Variants in LDLRAD3 observed in about 807,000 individuals in gnomAD.
LDLRAD3 encodes the protein low density lipoprotein receptor class A domain containing 3.
Under a neutral mutation model 29.4 loss-of-function variants are expected in LDLRAD3, and 20 were observed. That is an observed-to-expected ratio of 0.68 (90% CI 0.48 to 0.99). The LOEUF (loss-of-function observed/expected upper bound fraction) is 0.99, where lower values mean the gene tolerates loss of function less well. Ranked by LOEUF, LDLRAD3 falls within the 50% of genes least tolerant of loss-of-function variation. LDLRAD3 has a pLI of 0.00. For synonymous variants in LDLRAD3, 157 were observed against 192.7 expected (o/e 0.81, Z 1.53); for missense variants, 420 against 454.3 (o/e 0.92, Z 0.69).
At chr11:36,150,326 G>C (rs889294079) in intron 4 of LDLRAD3, among the ~76,000 whole-genome samples, 2 of 152,116 alleles carry the variant, frequency 1.3e-5, no homozygotes, top group Admixed American at 1.3e-4. Flanking sequence ...CCAGGAGTTT[G>C]AGAACAGCCA....
chr11:36,003,005 C>T (rs1465481991), intron 1 of LDLRAD3, among the ~76,000 whole-genome samples: 4 of 152,202 alleles, frequency 2.6e-5, no homozygotes, highest in African/African-American at 7.2e-5. Flanking sequence ...TAGGGAAAAC[C>T]GTACACATTT....
chr11:36,130,328 G>A (rs998197308), intron 4 of LDLRAD3, among the ~76,000 whole-genome samples: 10 of 152,184 alleles, frequency 6.6e-5, no homozygotes, highest in Non-Finnish European at 1.5e-5. Context: ...TGGGGCTGAC[G>A]GGATAGAACT....
intron 1 of LDLRAD3, among the ~76,000 whole-genome samples, chr11:36,029,411 T>C (rs74830859): frequency 6.4e-5 from 3 of 46,538 alleles, no homozygotes; most frequent in Non-Finnish European, 2.2e-4. Context: ...GCGCCAGGAC[T>C]CAGTGCTCAT....
chr11:36,084,681 A>G (rs1275713156), intron 3 of LDLRAD3, among the ~76,000 whole-genome samples: 6 of 152,130 alleles, frequency 3.9e-5, no homozygotes, highest in Non-Finnish European at 8.8e-5. Context: ...TCATTTTGTA[A>G]CTCCTAATGA....
At chr11:36,155,827 T>C (rs1296278460) in intron 4 of LDLRAD3, among the ~76,000 whole-genome samples, 1 of 152,164 alleles carries the variant, frequency 6.6e-6, no homozygotes, top group East Asian at 1.9e-4. Context: ...TGCGCCTATC[T>C]AGAAAATCCT....
chr11:36,145,031 C>T (rs1418842614), intron 4 of LDLRAD3, among the ~76,000 whole-genome samples: 11 of 99,414 alleles, frequency 1.1e-4, no homozygotes, highest in East Asian at 4.2e-4. Flanking sequence ...AGGTGAGGGG[C>T]GCCTCTGCCC....
At chr11:36,183,505 A>T (rs1157877362) in intron 4 of LDLRAD3, among the ~76,000 whole-genome samples, 1 of 152,250 alleles carries the variant, frequency 6.6e-6, no homozygotes, top group Admixed American at 6.5e-5. Context: ...GTGAAGGGTG[A>T]AAAACTTAGT....
At chr11:36,097,815 T>A (rs754212210) in intron 3 of LDLRAD3, among the ~76,000 whole-genome samples, 19 of 151,870 alleles carry the variant, frequency 1.3e-4, no homozygotes, top group Non-Finnish European at 2.4e-4. Context: ...CCCCGTATAT[T>A]TGCATAAATA....
chr11:36,078,852 C>A (rs925081095), intron 2 of LDLRAD3, among the ~76,000 whole-genome samples: 2 of 152,170 alleles, frequency 1.3e-5, no homozygotes, highest in African/African-American at 2.4e-5. Context: ...GGGCAAGGTG[C>A]AGGTGGTACG....
At chr11:36,166,752 A>G (rs1411984583) in intron 4 of LDLRAD3, among the ~76,000 whole-genome samples, 1 of 152,160 alleles carries the variant, frequency 6.6e-6, no homozygotes, top group Non-Finnish European at 1.5e-5. Context: ...TCAAATTGTA[A>G]TGTACACACA....
chr11:36,169,952 C>G (rs1216902660), intron 4 of LDLRAD3, among the ~76,000 whole-genome samples: 4 of 151,934 alleles, frequency 2.6e-5, no homozygotes, highest in African/African-American at 9.7e-5. Context: ...TTCTGAAATT[C>G]TGGTACACCT....
intron 1 of LDLRAD3, among the ~76,000 whole-genome samples, chr11:35,995,412 C>G (rs1409320913): frequency 3.3e-5 from 5 of 152,238 alleles, no homozygotes; most frequent in Non-Finnish European, 5.9e-5. Context: ...GTAAACCATG[C>G]TATAAACAGA....
chr11:36,206,851 C>T (rs529253921), intron 4 of LDLRAD3, among the ~76,000 whole-genome samples: 7 of 151,700 alleles, frequency 4.6e-5, no homozygotes, highest in South Asian at 2.1e-4. Context: ...CTCAGCCTCA[C>T]GAGTAGCTGG....
chr11:36,035,795 A>G (rs1372704203), intron 1 of LDLRAD3, among the ~76,000 whole-genome samples: 2 of 152,210 alleles, frequency 1.3e-5, no homozygotes, highest in African/African-American at 4.8e-5. Flanking sequence ...GCTGATGGCC[A>G]GAAAAGAACA....
intron 4 of LDLRAD3, among the ~76,000 whole-genome samples, chr11:36,205,802 G>C (rs1049520558): frequency 1.3e-5 from 2 of 152,204 alleles, no homozygotes; most frequent in African/African-American, 4.8e-5. Flanking sequence ...CATAGATACT[G>C]TTACAAGAGG....
chr11:36,201,850 C>T (rs1424426537), intron 4 of LDLRAD3, among the ~76,000 whole-genome samples: 1 of 152,178 alleles, frequency 6.6e-6, no homozygotes, highest in Non-Finnish European at 1.5e-5. Flanking sequence ...CTCAACTCTT[C>T]CTTTAATTTT....
intron 4 of LDLRAD3, among the ~76,000 whole-genome samples, chr11:36,226,216 A>C (rs1355162790): frequency 6.6e-6 from 1 of 152,188 alleles, no homozygotes; most frequent in Non-Finnish European, 1.5e-5. Flanking sequence ...AGAACTGGGC[A>C]CTATTACATC....
chr11:35,951,822 G>A (rs569371355), intron 1 of LDLRAD3, among the ~76,000 whole-genome samples: 4 of 152,304 alleles, frequency 2.6e-5, no homozygotes, highest in South Asian at 2.1e-4. Context: ...GGGAAGTGAC[G>A]AAATAGGAAC....
intron 4 of LDLRAD3, among the ~76,000 whole-genome samples, chr11:36,179,406 G>A (rs1341169412): frequency 6.6e-6 from 1 of 151,892 alleles, no homozygotes; most frequent in Non-Finnish European, 1.5e-5. Flanking sequence ...CCCAGGAGGT[G>A]GTGGTTGCAG....
Sources: gnomAD v4.1 joint callset for allele counts (sites outside exome capture counted in the v4.1 genomes callset) on GRCh38, gnomAD v4.1.1 for gene constraint, MANE v1.5 for transcripts, NCBI Gene and HGNC (gene_info 2026-07-23, HGNC 2026-07-21) for gene names.